ANO4: variants seen among roughly 807,000 people sequenced by gnomAD.
ANO4 encodes the protein anoctamin-4.
A neutral mutation model predicts 141.9 loss-of-function variants in ANO4; 69 were observed. The observed-to-expected ratio is 0.49, with a 90% CI of 0.40 to 0.59. The LOEUF (loss-of-function observed/expected upper bound fraction) is 0.59, where lower values mean the gene tolerates loss of function less well. Among genes scored for constraint, ANO4 ranks in the 20% least tolerant of loss-of-function variants. The pLI is 0.00. For missense variants in ANO4, 894 were observed against 1,162.2 expected (o/e 0.77, Z 3.36); for synonymous variants, 350 against 394.3 (o/e 0.89, Z 1.33).
intron 1 of ANO4, among the ~76,000 whole-genome samples, chr12:100,815,863 A>C (rs1265473017): frequency 1.3e-5 from 2 of 152,094 alleles, no homozygotes; most frequent in African/African-American, 2.4e-5. Context: ...AAAACTATAA[A>C]TAACTTAAAA....
At chr12:100,806,950 A>G (rs1005208104) in intron 1 of ANO4, among the ~76,000 whole-genome samples, 1 of 151,662 alleles carries the variant, frequency 6.6e-6, no homozygotes, top group Admixed American at 6.6e-5. Flanking sequence ...TATTTGAGGC[A>G]TAATAAATTT....
At chr12:101,018,037 G>A (rs952257205) in intron 8 of ANO4, among the ~76,000 whole-genome samples, 8 of 152,206 alleles carry the variant, frequency 5.3e-5, no homozygotes, top group Non-Finnish European at 4.4e-5. Flanking sequence ...ATGGAGGAGG[G>A]ACATGGGCTT....
intron 9 of ANO4, among the ~76,000 whole-genome samples, chr12:101,036,068 A>G (rs1248172112): frequency 6.6e-6 from 1 of 152,226 alleles, no homozygotes; most frequent in Non-Finnish European, 1.5e-5. Context: ...ATTTTTCCAT[A>G]TAAAACACAC....
At chr12:101,058,299 G>A (rs1395165516) in intron 14 of ANO4, among the ~76,000 whole-genome samples, 28 of 152,108 alleles carry the variant, frequency 1.8e-4, no homozygotes, top group Admixed American at 1.8e-3. Flanking sequence ...GTAGCGTGAT[G>A]CCTCCAGCTT....
chr12:101,106,805 T>C (rs1379707268), intron 22 of ANO4, among the ~76,000 whole-genome samples: 1 of 151,816 alleles, frequency 6.6e-6, no homozygotes, highest in Non-Finnish European at 1.5e-5. Context: ...TGTTATATCA[T>C]TCTTTATGCT....
intron 1 of ANO4, among the ~76,000 whole-genome samples, chr12:100,845,835 A>G (rs2037529791): frequency 6.6e-6 from 1 of 152,226 alleles, no homozygotes; most frequent in South Asian, 2.1e-4. Context: ...AAACATTTAG[A>G]ACTTGAAATG....
intron 22 of ANO4, among the ~76,000 whole-genome samples, chr12:101,110,143 T>C (rs553899231): frequency 6.6e-6 from 1 of 152,244 alleles, no homozygotes; most frequent in East Asian, 1.9e-4. Context: ...GGAACACTGA[T>C]TCCTTTGGTT....
intron 7 of ANO4, among the ~76,000 whole-genome samples, chr12:100,979,293 T>C (rs1419789244): frequency 2.6e-5 from 4 of 152,110 alleles, no homozygotes; most frequent in Non-Finnish European, 4.4e-5. Context: ...TTCTCAAACA[T>C]GTGTCAGGAT....
chr12:101,017,638 A>G lies in ANO4; in HGVS notation c.735-2396A>G, dbSNP rs958107356. Among the ~76,000 whole-genome samples, 7 of 151,404 alleles carry G rather than the reference A, an allele frequency of 4.6e-5. No homozygotes were observed. The East Asian group carries it at 1.4e-3, about 29-fold the overall frequency. On this transcript the variant is annotated intron_variant, in intron 8 of 27. Transcript: ENST00000392977. ...GGCAGACAGAGGCAAGCGAGCAAAC[A>G]GAGTCACCACAGGGGTAGCCTTTGG...
At chr12:101,068,795 C>A (rs184845706) in intron 14 of ANO4, 12 of 1,214,470 alleles carry the variant, frequency 9.9e-6, no homozygotes, top group Non-Finnish European at 1.3e-5. Flanking sequence ...TTAGAAGAGC[C>A]CACAGTCATC....
chr12:100,757,751 A>G (rs2032677139), intron 3 of ANO4, among the ~76,000 whole-genome samples: 1 of 152,190 alleles, frequency 6.6e-6, no homozygotes, highest in Non-Finnish European at 1.5e-5. Flanking sequence ...AACAGTACCA[A>G]CTTTCACACA....
chr12:101,047,172 C>A (rs1277590448), intron 13 of ANO4, among the ~76,000 whole-genome samples: 1 of 152,104 alleles, frequency 6.6e-6, no homozygotes, highest in East Asian at 1.9e-4. Flanking sequence ...TCACTTGAAC[C>A]CAGGAGGTGG....
At chr12:100,978,674 G>A (rs1213934514) in intron 7 of ANO4, among the ~76,000 whole-genome samples, 1 of 152,226 alleles carries the variant, frequency 6.6e-6, no homozygotes, top group African/African-American at 2.4e-5. Flanking sequence ...GGCAAAGCAT[G>A]TGAGAAATAT....
chr12:100,823,373 A>G (rs942658104), intron 1 of ANO4, among the ~76,000 whole-genome samples: 1 of 152,078 alleles, frequency 6.6e-6, no homozygotes, highest in Non-Finnish European at 1.5e-5. Context: ...AAGGATTGGT[A>G]AAATATCTGT....
intron 5 of ANO4, among the ~76,000 whole-genome samples, chr12:100,953,716 A>T (rs79487602): frequency 0.023 from 3,449 of 152,322 alleles, 140 homozygotes; most frequent in African/African-American, 0.078. Context: ...AAAAATCTCT[A>T]TGATAATGGG....
chr12:101,124,054 CA>C (rs1395808161), intron 26 of ANO4, among the ~76,000 whole-genome samples: 3 of 152,158 alleles, frequency 2.0e-5, no homozygotes, highest in African/African-American at 7.2e-5. Flanking sequence ...CTGTCTTCCA[CA>C]ATGGTTGAAC....
intron 3 of ANO4, among the ~76,000 whole-genome samples, chr12:100,927,468 T>G (rs1175661020): frequency 6.6e-6 from 1 of 152,056 alleles, no homozygotes; most frequent in East Asian, 1.9e-4. Context: ...AAACACTGCT[T>G]TTTTAATCAC....
At chr12:101,117,952 T>C (rs763776797) in intron 25 of ANO4, among the ~76,000 whole-genome samples, 3 of 152,082 alleles carry the variant, frequency 2.0e-5, no homozygotes, top group Non-Finnish European at 4.4e-5. Context: ...CAGGTCTCAT[T>C]GGCTGTCACA....
At chr12:101,045,999 G>A (rs149620100) in intron 13 of ANO4, among the ~76,000 whole-genome samples, 1 of 152,326 alleles carries the variant, frequency 6.6e-6, no homozygotes, top group Non-Finnish European at 1.5e-5. Context: ...GGCCTGTTGG[G>A]TACTTGTCCT....
Sources: allele counts gnomAD v4.1 joint callset (sites outside exome capture counted in the v4.1 genomes callset), GRCh38; gene constraint gnomAD v4.1.1; transcripts MANE v1.5; gene names NCBI Gene and HGNC (gene_info 2026-07-23, HGNC 2026-07-21).